Variants in AMT observed in about 807,000 individuals in gnomAD.
AMT encodes the protein aminomethyltransferase, also known as aminomethyltransferase, mitochondrial.
Under a neutral mutation model 39.5 loss-of-function variants are expected in AMT, and 24 were observed. That is an observed-to-expected ratio of 0.61 (90% confidence interval 0.44 to 0.86). The LOEUF is 0.86. Ranked by LOEUF, AMT falls within the 40% of genes least tolerant of loss-of-function variation. The pLI, the probability that AMT is intolerant of heterozygous loss-of-function variation, is 0.00. For missense variants in AMT, 501 were observed against 537.0 expected, an observed-to-expected ratio of 0.93 and a Z score of 0.66; for synonymous variants, 210 against 212.1, an observed-to-expected ratio of 0.99 and a Z score of 0.09.
chr3:49,418,667 A>G (rs1005010761), intron 7 of AMT: 2 of 326,136 alleles, frequency 6.1e-6, no homozygotes, highest in East Asian at 7.3e-5. Context: ...ATGCCCAGCT[A>G]ATTTTTTTTT....
chr3:49,422,137 GT>G lies in AMT; in HGVS notation c.224del (p.His75ProfsTer21), dbSNP rs2107937352. The stretch of plus-strand genomic sequence containing the variant: ...TATGAGACACGTCAAAGAGCGAGCA[GT>G]GCTGGCGTGTGTGCAGGTGCGAGTC... ...HTDSHLHTRQHCSLFDVSHML... is the reference protein window; with the variant it reads ...HTDSHLHTRQXCSLFDVSHML... On this transcript the variant is annotated frameshift_variant, in exon 2 of 9. Coordinates refer to ENST00000273588, the MANE Select transcript of AMT (RefSeq NM_000481.4). LOFTEE classifies it high-confidence loss of function. 7 of 1,613,836 alleles carry G rather than the reference GT, an allele frequency of 4.3e-6. No homozygotes were observed. Among genetic ancestry groups the G allele is most frequent in the Non-Finnish European group, 5.9e-6 (7 of 1,180,040 alleles).
intron 3 of AMT, chr3:49,420,789 T>G (rs1429687663): frequency 4.2e-6 from 1 of 235,722 alleles, no homozygotes; most frequent in African/African-American, 2.2e-5. Flanking sequence ...CCCCACTGGA[T>G]GGACAAAAAG....
chr3:49,417,169 AGGTAGGTTG>A lies in AMT; in HGVS notation c.*362_*370del, dbSNP rs2049012965. On this transcript the variant is annotated 3_prime_UTR_variant, in exon 9 of 9. Transcript: ENST00000273588. ...CTTTGCAATGTGAAAAACCATGGTG[AGGTAGGTTG>A]GGCAGGTTTTATCCTCTCCACAAAG... is the stretch of plus-strand genomic sequence containing the variant. The A allele has an allele frequency of 1.9e-6, 2 of 1,079,118 alleles. No individual in the cohort carries two copies. The highest frequency in any genetic ancestry group is 2.8e-6 in the Non-Finnish European group (2 of 726,294). The allele number at this position is 1,079,118 out of a possible 1,614,324, so 66.8% of individuals were successfully genotyped here. A position where few individuals can be genotyped will look rare whatever the true frequency, so the allele number is the denominator to read the frequency against.
chr3:49,419,689 A>C (rs777968769), intron 5 of AMT, 21 bp downstream of exon 5: 1 of 1,613,478 alleles, frequency 6.2e-7, no homozygotes, highest in Non-Finnish European at 8.5e-7. Flanking sequence ...GTTGGCTCCA[A>C]CCCCAGCCCA....
At chr3:49,421,079 GT>G (rs1330602385) in intron 3 of AMT, 2 of 274,394 alleles carry the variant, frequency 7.3e-6, no homozygotes, top group African/African-American at 4.4e-5. Context: ...TAATTTTTGT[GT>G]TTTTAGTAGA....
At chr3:49,419,901 G>GA in intron 4 of AMT, 113 bp from the exon 5 acceptor site, 2 of 1,061,316 alleles carry the variant, frequency 1.9e-6, no homozygotes, top group Non-Finnish European at 2.9e-6. Flanking sequence ...GGAGGAGGGA[G>GA]GAAAAAAAAA....
Position 49,417,086 on chromosome 3 carries a change from A to G in AMT, c.*454T>C. ...CTGACTTGCAGTAAGGACAATTTGC[A>G]TTTACGGAAAGCAAACTGGAGGGGG... On this transcript the variant is annotated 3_prime_UTR_variant, in exon 9 of 9. Coordinates refer to ENST00000273588, the MANE Select transcript of AMT (RefSeq NM_000481.4). 2 of 681,694 alleles carry G rather than the reference A, an allele frequency of 2.9e-6. No individual in the cohort carries two copies. The highest frequency in any genetic ancestry group is 5.8e-5 in the East Asian group (2 of 34,584). 42.2% of individuals were successfully genotyped at this position (681,694 alleles called of 1,614,324 possible).
chr3:49,418,562 C>T (rs1221887525), intron 7 of AMT: 3 of 183,898 alleles, frequency 1.6e-5, no homozygotes, highest in African/African-American at 2.8e-5. Flanking sequence ...GGTGCAGTGG[C>T]GCAATCTCGG....
At chr3:49,417,794 T>G in intron 8 of AMT, 24 bp downstream of exon 8, 2 of 1,614,058 alleles carry the variant, frequency 1.2e-6, no homozygotes, top group Non-Finnish European at 1.7e-6. Flanking sequence ...GACAAGGGTT[T>G]CCCAGCTTCC....
chr3:49,417,710 TCA>T lies in AMT; in HGVS notation c.1040_1041del (p.Val347AspfsTer2). ...AGAGAGGGGGAGGGGCAGCCACTAG[TCA>T]CAGTACCTGTCAAGCAAGCATAAGC... ...LNMEGTKIGT[V>X]TSGCPSPSLK... On this transcript the variant is annotated frameshift_variant, in exon 9 of 9. Transcript: ENST00000273588. LOFTEE classifies it high-confidence loss of function. 1 of 1,613,954 alleles carries T rather than the reference TCA, an allele frequency of 6.2e-7. No individual in the cohort carries two copies. The highest frequency in any genetic ancestry group is 8.5e-7 in the Non-Finnish European group (1 of 1,180,018).
At chr3:49,418,934 C>T (rs778258587) in intron 7 of AMT, 37 bp downstream of exon 7, 130 of 1,611,172 alleles carry the variant, frequency 8.1e-5, no homozygotes, top group Non-Finnish European at 9.8e-5. Flanking sequence ...TCACCCTGAC[C>T]TCCAGGACCC....
At chr3:49,418,293 C>G (rs868270287) in intron 7 of AMT, 1 of 386,086 alleles carries the variant, frequency 2.6e-6, no homozygotes, top group Non-Finnish European at 4.9e-6. Flanking sequence ...AGCAATTTAC[C>G]TGCCTCAGTC....
chr3:49,417,331 G>C lies in AMT; in HGVS notation c.*209C>G. 1.3e-6 allele frequency: 2 copies of C among 1,595,654 alleles called. No homozygotes were observed. The highest frequency in any genetic ancestry group is 1.1e-5 in the South Asian group (1 of 90,958). On this transcript the variant is annotated 3_prime_UTR_variant, in exon 9 of 9. Coordinates refer to ENST00000273588, the MANE Select transcript of AMT (RefSeq NM_000481.4). ...TGGACTGAAACAAGACATTGTGTGAGCTGGTCCGTCACTCAGAAGCAGGGT... is the reference window on the plus strand; with the variant it reads ...TGGACTGAAACAAGACATTGTGTGACCTGGTCCGTCACTCAGAAGCAGGGT...
At chr3:49,421,980 A>G in intron 2 of AMT, 124 bp downstream of exon 2, 1 of 1,373,992 alleles carries the variant, frequency 7.3e-7, no homozygotes, top group Non-Finnish European at 1.0e-6. Flanking sequence ...CACCCCCATG[A>G]CCTCTAGCTC....
At position 49,417,435 on chromosome 3, in the gene AMT, C is replaced by T; in HGVS notation, c.*105G>A. 6.2e-7 allele frequency: 1 copy of T among 1,613,030 alleles called. No individual in the cohort carries two copies. The highest frequency in any genetic ancestry group is 8.5e-7 in the Non-Finnish European group (1 of 1,179,862). Reference sequence around the variant, plus strand: ...CCCTCAACCAGACAATTAGAATCAGCCTCCACCTTAACTGCCCACCCCCAG... The same window carrying T: ...CCCTCAACCAGACAATTAGAATCAGTCTCCACCTTAACTGCCCACCCCCAG... On this transcript the variant is annotated 3_prime_UTR_variant, in exon 9 of 9. Coordinates refer to ENST00000273588, the MANE Select transcript of AMT (RefSeq NM_000481.4).
Position 49,418,494 on chromosome 3 carries a change from C to CTTTT in AMT, c.877+473_877+476dup, listed in dbSNP as rs3049036. 292 of 64,638 alleles carry CTTTT rather than the reference C, an allele frequency of 4.5e-3. 53 individuals are homozygous for CTTTT. The highest frequency in any genetic ancestry group is 0.029 in the South Asian group (54 of 1,836). The allele number at this position is 64,638 out of a possible 1,614,324, so 4.0% of individuals were successfully genotyped here. ...CCATGCCCGGCAGCATCTTCAGTTTCTTTTTTTTTTTTTTTTTTTTTTTTG... is the reference window on the plus strand; with the variant it reads ...CCATGCCCGGCAGCATCTTCAGTTTCTTTTTTTTTTTTTTTTTTTTTTTTTTTTG... On this transcript the variant is annotated intron_variant, in intron 7 of 8. Transcript: ENST00000273588.
chr3:49,417,748 C>T (rs764310045), intron 8 of AMT, 30 bp from the exon 9 acceptor site: 4 of 1,613,854 alleles, frequency 2.5e-6, no homozygotes, highest in Non-Finnish European at 3.4e-6. Flanking sequence ...CACGCATCAG[C>T]ACCACCCTGC....
Position 49,417,689 on chromosome 3 carries a change from AG to A in AMT, c.1062del (p.Ser355LeufsTer2). The A allele has an allele frequency of 6.2e-7, 1 of 1,613,820 alleles. No individual in the cohort carries two copies. The highest frequency in any genetic ancestry group is 8.5e-7 in the Non-Finnish European group (1 of 1,179,984). On this transcript the variant is annotated frameshift_variant, in exon 9 of 9. Transcript: ENST00000273588. LOFTEE classifies it high-confidence loss of function. ...CCCATCGCCACATTCTTCTTCAGAG[AG>A]GGGGAGGGGCAGCCACTAGTCACAG... ...IGTVTSGCPS[P>X]SLKKNVAMGY...
chr3:49,422,350 C>G lies in AMT; in HGVS notation c.90+11G>C, dbSNP rs1247651148. 6.2e-7 allele frequency: 1 copy of G among 1,613,912 alleles called. No individual in the cohort carries two copies. Among genetic ancestry groups the G allele is most frequent in the South Asian group, 1.1e-5 (1 of 91,070 alleles). On this transcript the variant is annotated intron_variant, in intron 1 of 8. Coordinates refer to ENST00000273588, the MANE Select transcript of AMT (RefSeq NM_000481.4). Reference sequence around the variant, plus strand: ...TCCCCCACCCTCCAAGATCAGCACCCTCTATCCCACCTGTGCGCAACTAAG... The same window carrying G: ...TCCCCCACCCTCCAAGATCAGCACCGTCTATCCCACCTGTGCGCAACTAAG...
Sources: allele counts gnomAD v4.1 joint callset, GRCh38; gene constraint gnomAD v4.1.1; transcripts MANE v1.5; gene names NCBI Gene and HGNC (gene_info 2026-07-23, HGNC 2026-07-21).